ERC1: variants seen among roughly 807,000 people sequenced by gnomAD.
ERC1 encodes RAB6 interacting protein 2.
A neutral mutation model predicts 132.0 loss-of-function variants in ERC1; 56 were observed. The ratio of observed to expected loss-of-function variants is 0.42; its 90% CI spans 0.34 to 0.53. The LOEUF is 0.53. ERC1 is among the 20% of genes least tolerant of loss of function. The probability of loss-of-function intolerance (pLI) is 0.03; values close to 1 mark genes in which losing one functional copy is unlikely to be tolerated. For missense variants in ERC1, 1,202 were observed against 1,349.9 expected, an observed-to-expected ratio of 0.89 and a Z score of 1.72; for synonymous variants, 478 against 476.1, an observed-to-expected ratio of 1.00 and a Z score of -0.05.
chr12:1,051,041 T>C (rs1971864151), intron 2 of ERC1, among the ~76,000 whole-genome samples: 1 of 152,192 alleles, frequency 6.6e-6, no homozygotes, highest in Admixed American at 6.5e-5. Context: ...CTGAAGATTA[T>C]TTTTAATATC....
chr12:1,466,630 TTAAAAGG>T (rs961039979), intron 18 of ERC1, among the ~76,000 whole-genome samples: 3 of 152,172 alleles, frequency 2.0e-5, no homozygotes, highest in African/African-American at 7.2e-5. Flanking sequence ...GCTCTGCCTG[TTAAAAGG>T]TAGGAGGTCC....
intron 15 of ERC1, among the ~76,000 whole-genome samples, chr12:1,301,415 T>C (rs149613604): frequency 3.3e-5 from 5 of 152,284 alleles, no homozygotes; most frequent in African/African-American, 9.6e-5. Flanking sequence ...GGAATCAACC[T>C]AAATGCTCAT....
intron 8 of ERC1, among the ~76,000 whole-genome samples, chr12:1,172,780 CTAATT>C (rs1241145726): frequency 2.0e-5 from 3 of 151,794 alleles, no homozygotes; most frequent in Non-Finnish European, 2.9e-5. Context: ...AATTTTAAAA[CTAATT>C]TATGTAACAG....
At chr12:1,080,362 A>G (rs767211381) in intron 2 of ERC1, among the ~76,000 whole-genome samples, 3 of 152,158 alleles carry the variant, frequency 2.0e-5, no homozygotes, top group South Asian at 2.1e-4. Flanking sequence ...CCTCATGTCA[A>G]TGGATACATA....
intron 15 of ERC1, among the ~76,000 whole-genome samples, chr12:1,355,030 G>A (rs2085387659): frequency 1.3e-5 from 2 of 152,130 alleles, no homozygotes; most frequent in South Asian, 4.2e-4. Context: ...AGAGAAGGTG[G>A]GGTTCCATGA....
intron 1 of ERC1, among the ~76,000 whole-genome samples, chr12:1,021,449 C>G (rs1966355011): frequency 6.6e-6 from 1 of 151,694 alleles, no homozygotes; most frequent in Admixed American, 6.6e-5. Context: ...TGGCTCATGC[C>G]TGTAATCCCA....
At chr12:1,304,465 C>G (rs1457401470) in intron 15 of ERC1, among the ~76,000 whole-genome samples, 1 of 152,218 alleles carries the variant, frequency 6.6e-6, no homozygotes, top group Non-Finnish European at 1.5e-5. Flanking sequence ...TTGGCCTAAT[C>G]TAATCAGCAC....
Position 1,395,831 on chromosome 12 carries a change from A to G in ERC1, c.2926-12318A>G, listed in dbSNP as rs537459848. Among the ~76,000 whole-genome samples, 124 of 152,292 alleles carry G rather than the reference A, an allele frequency of 8.1e-4. 1 individual carries two copies. The highest frequency in any genetic ancestry group is 2.9e-3 in the African/African-American group (121 of 41,562). ...CAAGAGGGGGAAAAAAGTAGTTTTCATGGGAAATATGTTGAAAGAACAGAT... is the reference window on the plus strand; with the variant it reads ...CAAGAGGGGGAAAAAAGTAGTTTTCGTGGGAAATATGTTGAAAGAACAGAT... On this transcript the variant is annotated intron_variant, in intron 16 of 18. Transcript: ENST00000360905.
chr12:1,420,770 A>T (rs1262121859), intron 17 of ERC1, among the ~76,000 whole-genome samples: 1 of 152,020 alleles, frequency 6.6e-6, no homozygotes, highest in African/African-American at 2.4e-5. Context: ...TAAACTTTTA[A>T]GCAAAACCCT....
intron 5 of ERC1, among the ~76,000 whole-genome samples, chr12:1,111,513 C>T (rs912509255): frequency 1.3e-5 from 2 of 152,078 alleles, no homozygotes; most frequent in African/African-American, 4.8e-5. Context: ...GCATATAAGT[C>T]TACAGAATAT....
At chr12:1,395,141 C>G (rs554675617) in intron 16 of ERC1, among the ~76,000 whole-genome samples, 53 of 152,294 alleles carry the variant, frequency 3.5e-4, no homozygotes, top group African/African-American at 1.2e-3. Flanking sequence ...GATCTGTACT[C>G]CAAAGTGGGG....
Position 1,297,608 on chromosome 12 carries a change from C to T in ERC1, c.2780+7596C>T, listed in dbSNP as rs370005855. Among the ~76,000 whole-genome samples, 3 of 147,082 alleles carry T rather than the reference C, an allele frequency of 2.0e-5. 1 individual carries two copies. In the East Asian group the frequency reaches 6.0e-4, roughly 29 times the overall value. ...ACTCTTGTTCCAATTACTTGGGAGG[C>T]TGAGACTGAGGATTCCTGGGCCCAG... On this transcript the variant is annotated intron_variant, in intron 15 of 18. Transcript: ENST00000360905.
In ERC1 at chr12:1,214,679, C is replaced by T. The variant is rs879364274; in HGVS notation, c.2352-22090C>T. Among the ~76,000 whole-genome samples the T allele has an allele frequency of 6.5e-4, 99 of 151,356 alleles. 1 individual carries two copies. The highest frequency in any genetic ancestry group is 1.3e-3 in the South Asian group (6 of 4,778). On this transcript the variant is annotated intron_variant, in intron 12 of 18. Coordinates refer to ENST00000360905, the MANE Select transcript of ERC1 (RefSeq NM_178040.4). Reference sequence around the variant, plus strand: ...GTGTGTATACATACACACACACACACACACACACACACACACACACACATA... The same window carrying T: ...GTGTGTATACATACACACACACACATACACACACACACACACACACACATA...
At chr12:1,046,087 A>C (rs1275689134) in intron 2 of ERC1, among the ~76,000 whole-genome samples, 1 of 152,170 alleles carries the variant, frequency 6.6e-6, no homozygotes, top group Non-Finnish European at 1.5e-5. Flanking sequence ...ATAACAGAAA[A>C]AAAGTGGGGG....
At chr12:1,473,629 CAAA>C (rs34619342) in intron 18 of ERC1, among the ~76,000 whole-genome samples, 19 of 92,584 alleles carry the variant, frequency 2.1e-4, no homozygotes, top group Admixed American at 4.6e-4. Flanking sequence ...GACTCTATCT[CAAA>C]AAAAAAAAAA....
chr12:1,485,259 C>G (rs1468793438), intron 18 of ERC1, among the ~76,000 whole-genome samples: 9 of 133,294 alleles, frequency 6.8e-5, no homozygotes, highest in African/African-American at 2.6e-4. Context: ...GGCTGGAGTG[C>G]AGTGGCGTGA....
intron 15 of ERC1, among the ~76,000 whole-genome samples, chr12:1,314,224 A>G (rs1416445170): frequency 1.3e-5 from 2 of 152,316 alleles, no homozygotes; most frequent in East Asian, 3.9e-4. Flanking sequence ...TTCTCCATCC[A>G]TGAAATGAGA....
intron 2 of ERC1, among the ~76,000 whole-genome samples, chr12:1,081,804 T>C (rs1942236254): frequency 6.6e-6 from 1 of 152,248 alleles, no homozygotes; most frequent in East Asian, 1.9e-4. Flanking sequence ...TCAGCAGTAA[T>C]GCATTGTACA....
intron 17 of ERC1, chr12:1,410,260 C>A (rs901007414): frequency 1.1e-4 from 37 of 334,424 alleles, no homozygotes; most frequent in Admixed American, 7.4e-4. Flanking sequence ...GAATTAGAAT[C>A]TGTATGAGAG....
Sources: allele counts gnomAD v4.1 joint callset (sites outside exome capture counted in the v4.1 genomes callset), GRCh38; gene constraint gnomAD v4.1.1; transcripts MANE v1.5; gene names NCBI Gene and HGNC (gene_info 2026-07-23, HGNC 2026-07-21).